The following NXPH2 variants were observed in gnomAD, a reference collection of about 807,000 sequenced individuals.
NXPH2 encodes the protein neurexophilin-2.
In NXPH2, 5 loss-of-function variants were observed where a neutral mutation model predicts 19.8. The observed-to-expected ratio is 0.25, with a 90% CI of 0.13 to 0.53. The LOEUF is 0.53. NXPH2 is among the 20% of genes least tolerant of loss of function. The probability of loss-of-function intolerance (pLI) is 0.96; values close to 1 mark genes in which losing one functional copy is unlikely to be tolerated. For synonymous variants in NXPH2, 154 were observed against 127.4 expected (o/e 1.21, Z -1.41); for missense variants, 289 against 322.8 (o/e 0.90, Z 0.80).
chr2:138,694,290 C>T (rs1360045792), intron 1 of NXPH2, among the ~76,000 whole-genome samples: 2 of 152,110 alleles, frequency 1.3e-5, no homozygotes, highest in Non-Finnish European at 2.9e-5. Flanking sequence ...TCGGATTTTT[C>T]TTTCAACAAA....
At chr2:138,759,960 A>G (rs1035866025) in intron 1 of NXPH2, among the ~76,000 whole-genome samples, 3 of 151,830 alleles carry the variant, frequency 2.0e-5, no homozygotes, top group Admixed American at 6.6e-5. Flanking sequence ...TGATCTCCTG[A>G]CCTTGTGATC....
chr2:138,731,393 C>T (rs973913910), intron 1 of NXPH2, among the ~76,000 whole-genome samples: 2 of 152,042 alleles, frequency 1.3e-5, no homozygotes, highest in Non-Finnish European at 2.9e-5. Context: ...AATCTAGTAG[C>T]TGACAATGCA....
intron 1 of NXPH2, among the ~76,000 whole-genome samples, chr2:138,762,830 A>G (rs1682036903): frequency 6.6e-6 from 1 of 152,194 alleles, no homozygotes; most frequent in Admixed American, 6.5e-5. Flanking sequence ...TACTGGAAAC[A>G]AGCTTGCTTA....
At chr2:138,731,713 A>G (rs531053877) in intron 1 of NXPH2, among the ~76,000 whole-genome samples, 35 of 152,136 alleles carry the variant, frequency 2.3e-4, no homozygotes, top group African/African-American at 8.2e-4. Context: ...GGAGGGTCCA[A>G]AGACAGGACT....
intron 1 of NXPH2, among the ~76,000 whole-genome samples, chr2:138,757,842 T>TATCTATCTATCTATCC (rs1681939771): frequency 7.3e-6 from 1 of 136,128 alleles, no homozygotes; most frequent in African/African-American, 2.5e-5. Flanking sequence ...TCTATCTATC[T>TATCTATCTATCTATCC]ATCTATCTAT....
intron 1 of NXPH2, among the ~76,000 whole-genome samples, chr2:138,778,466 T>A (rs1006269274): frequency 5.3e-5 from 8 of 152,010 alleles, no homozygotes; most frequent in East Asian, 1.9e-4. Flanking sequence ...AAAAAAAAAA[T>A]ATCTAACATT....
intron 1 of NXPH2, among the ~76,000 whole-genome samples, chr2:138,711,121 G>A (rs942595860): frequency 1.4e-5 from 2 of 139,320 alleles, no homozygotes; most frequent in African/African-American, 5.3e-5. Flanking sequence ...ACACTTTAAT[G>A]GAATTTCCTT....
At chr2:138,779,565 G>T (rs1446034459) in intron 1 of NXPH2, among the ~76,000 whole-genome samples, 2 of 151,988 alleles carry the variant, frequency 1.3e-5, no homozygotes, top group Non-Finnish European at 2.9e-5. Context: ...CCTGCGCGGA[G>T]CTGGGCATGA....
At chr2:138,673,961 A>G (rs888624901) in intron 1 of NXPH2, among the ~76,000 whole-genome samples, 4 of 152,006 alleles carry the variant, frequency 2.6e-5, no homozygotes, top group East Asian at 1.9e-4. Context: ...TTCACTTAAC[A>G]TAATGACTTC....
chr2:138,693,499 G>T (rs562040533), intron 1 of NXPH2, among the ~76,000 whole-genome samples: 2 of 152,222 alleles, frequency 1.3e-5, no homozygotes, highest in South Asian at 4.1e-4. Flanking sequence ...TAGCTTTATT[G>T]TGTGAATTTC....
At position 138,754,453 on chromosome 2, in the gene NXPH2, A is replaced by C. The variant is rs538653539; in HGVS notation, c.51+25738T>G. On this transcript the variant is annotated intron_variant, in intron 1 of 1. Transcript: ENST00000272641. ...AATTAGAAAGTGTGTGGTCTTTTAG[A>C]CTGGCTTCTTTTACTCAGCAGTGTG... Among the ~76,000 whole-genome samples the C allele has an allele frequency of 3.4e-4, 51 of 152,238 alleles. 1 individual carries two copies. Among genetic ancestry groups the C allele is most frequent in the African/African-American group, 1.1e-3 (47 of 41,544 alleles).
chr2:138,716,316 G>A (rs892454023), intron 1 of NXPH2, among the ~76,000 whole-genome samples: 1 of 152,128 alleles, frequency 6.6e-6, no homozygotes, highest in African/African-American at 2.4e-5. Flanking sequence ...GAGGAAACTA[G>A]GTTTAGATGG....
chr2:138,688,924 A>T (rs1680705265), intron 1 of NXPH2, among the ~76,000 whole-genome samples: 1 of 152,108 alleles, frequency 6.6e-6, no homozygotes, highest in African/African-American at 2.4e-5. Flanking sequence ...AAACATAGGG[A>T]CATTTTCTTA....
At chr2:138,752,687 A>T (rs76576043) in intron 1 of NXPH2, among the ~76,000 whole-genome samples, 6,179 of 152,160 alleles carry the variant, frequency 0.041, 148 homozygotes, top group Middle Eastern at 0.086. Context: ...CTGTTCCGGG[A>T]TCCCATCCAG....
intron 1 of NXPH2, among the ~76,000 whole-genome samples, chr2:138,713,206 G>A (rs555469218): frequency 6.6e-6 from 1 of 152,188 alleles, no homozygotes; most frequent in Non-Finnish European, 1.5e-5. Flanking sequence ...CTGCGACTGG[G>A]CTCCTGCCAG....
In NXPH2 at chr2:138,701,694, G is replaced by T. The variant is rs538086512; in HGVS notation, c.52-30029C>A. On this transcript the variant is annotated intron_variant, in intron 1 of 1. Coordinates refer to ENST00000272641, the MANE Select transcript of NXPH2 (RefSeq NM_007226.3). The stretch of plus-strand genomic sequence containing the variant: ...TGTGTCTTTTTCATTATATGATGTT[G>T]CTTTTTAATATTTCAGGGAGATGCA... Among the ~76,000 whole-genome samples, 4 of 152,230 alleles carry T rather than the reference G, an allele frequency of 2.6e-5. No homozygotes were observed. In the South Asian group the frequency reaches 8.3e-4, roughly 32 times the overall value.
chr2:138,766,107 G>A (rs1316743563), intron 1 of NXPH2, among the ~76,000 whole-genome samples: 8 of 152,178 alleles, frequency 5.3e-5, no homozygotes, highest in Admixed American at 4.6e-4. Flanking sequence ...CCCTCAAAAA[G>A]GAAAATTTGT....
At chr2:138,768,239 A>G (rs1283166641) in intron 1 of NXPH2, among the ~76,000 whole-genome samples, 1 of 152,002 alleles carries the variant, frequency 6.6e-6, no homozygotes, top group Non-Finnish European at 1.5e-5. Flanking sequence ...ATTTCTCTTA[A>G]GTGTCTGGTG....
chr2:138,706,407 C>G (rs1460009411), intron 1 of NXPH2, among the ~76,000 whole-genome samples: 1 of 152,164 alleles, frequency 6.6e-6, no homozygotes, highest in East Asian at 1.9e-4. Flanking sequence ...CAATGTTCTC[C>G]ATTGGATCTT....
Sources: gnomAD v4.1 joint callset for allele counts (sites outside exome capture counted in the v4.1 genomes callset) on GRCh38, gnomAD v4.1.1 for gene constraint, MANE v1.5 for transcripts, NCBI Gene and HGNC (gene_info 2026-07-23, HGNC 2026-07-21) for gene names.